Variants in CCDC187 observed in about 807,000 individuals in gnomAD.
The protein encoded by CCDC187 is coiled-coil domain containing 187, also known as coiled-coil domain-containing protein 187.
CCDC187 carries 32 observed loss-of-function variants against 38.0 expected under a neutral mutation model. The observed-to-expected ratio is 0.84, with a 90% CI of 0.64 to 1.13. The LOEUF (loss-of-function observed/expected upper bound fraction) is 1.13, where lower values mean the gene tolerates loss of function less well. Ranked by LOEUF, CCDC187 falls within the 50% of genes most tolerant of loss-of-function variation. CCDC187 has a pLI of 0.00. For missense variants in CCDC187, 707 were observed against 786.8 expected, an observed-to-expected ratio of 0.90 and a Z score of 1.21; for synonymous variants, 333 against 347.9, an observed-to-expected ratio of 0.96 and a Z score of 0.48.
intron 15 of CCDC187, 56 bp downstream of exon 15, chr9:136,267,993 A>G: frequency 1.0e-6 from 1 of 984,676 alleles, no homozygotes; most frequent in Non-Finnish European, 1.2e-6. Flanking sequence ...GCCCACTACC[A>G]GGGCCGTGCT....
At chr9:136,301,931 G>C (rs1831694611) in intron 2 of CCDC187, among the ~76,000 whole-genome samples, 2 of 152,144 alleles carry the variant, frequency 1.3e-5, no homozygotes, top group East Asian at 3.9e-4. Flanking sequence ...AATAGAGGAG[G>C]CTGGGCACCG....
At chr9:136,293,315 TCA>T (rs1416715582) in intron 4 of CCDC187, among the ~76,000 whole-genome samples, 4 of 122,914 alleles carry the variant, frequency 3.3e-5, no homozygotes, top group African/African-American at 6.7e-5. Context: ...GTTCACACAC[TCA>T]CACTCACATG....
At chr9:136,292,445 C>CTCA in intron 4 of CCDC187, 150 bp from the exon 5 acceptor site, 1 of 396,216 alleles carries the variant, frequency 2.5e-6, no homozygotes, top group Non-Finnish European at 4.4e-6. Flanking sequence ...GTCCAGGCCC[C>CTCA]TGTTGGGCAG....
Position 136,303,279 on chromosome 9 carries a change from G to T in CCDC187, c.158C>A (p.Ala53Glu), listed in dbSNP as rs1323490593. Residue 53 changes from alanine (A) to glutamate (E), a missense_variant, in exon 2 of 26, where the codon GCA becomes GAA. Coordinates refer to ENST00000638797, the MANE Select transcript of CCDC187 (RefSeq NM_001378188.1). ...CAGGGCTGCCACGTCATCCTCAGCT[G>T]CAGGTGCGCAGAGCCTGGGAGGGAA... is the stretch of plus-strand genomic sequence containing the variant. ...AVAKPRLCAP[A>E]AEDDVAALRW... 5.0e-6 allele frequency: 2 copies of T among 397,752 alleles called. No individual in the cohort carries two copies. Among genetic ancestry groups the T allele is most frequent in the Non-Finnish European group, 8.8e-6 (2 of 226,014 alleles). The allele number at this position is 397,752 out of a possible 1,614,324, so 24.6% of individuals were successfully genotyped here.
At chr9:136,293,163 ACACT>A (rs1255420541) in intron 4 of CCDC187, among the ~76,000 whole-genome samples, 3 of 55,644 alleles carry the variant, frequency 5.4e-5, no homozygotes, top group African/African-American at 9.3e-5. Context: ...ACATGCTCAC[ACACT>A]CACATGCTCA....
At chr9:136,292,606 C>A (rs1438464258) in intron 4 of CCDC187, among the ~76,000 whole-genome samples, 1 of 152,174 alleles carries the variant, frequency 6.6e-6, no homozygotes, top group Non-Finnish European at 1.5e-5. Flanking sequence ...ACAGCTCTGC[C>A]GGTGAAGCTC....
At chr9:136,277,911 C>T (rs923282135) in intron 10 of CCDC187, among the ~76,000 whole-genome samples, 55 of 152,308 alleles carry the variant, frequency 3.6e-4, no homozygotes, top group African/African-American at 1.1e-3. Flanking sequence ...CTCGCCTTCC[C>T]GGAACGGAGC....
chr9:136,270,357 C>T (rs1303686796), intron 14 of CCDC187, among the ~76,000 whole-genome samples: 1 of 152,050 alleles, frequency 6.6e-6, no homozygotes, highest in South Asian at 2.1e-4. Flanking sequence ...ACTGAGTCGT[C>T]CAAGTGATTA....
intron 9 of CCDC187, among the ~76,000 whole-genome samples, chr9:136,282,871 G>A (rs1278925814): frequency 2.6e-5 from 4 of 152,236 alleles, no homozygotes; most frequent in African/African-American, 7.2e-5. Flanking sequence ...TCTGGAACCC[G>A]GGCTGGGTGG....
intron 14 of CCDC187, among the ~76,000 whole-genome samples, chr9:136,274,457 C>G (rs1329967704): frequency 6.6e-6 from 1 of 152,250 alleles, no homozygotes; most frequent in Non-Finnish European, 1.5e-5. Context: ...CTAGGGCTGC[C>G]CGAGGGTCAG....
intron 16 of CCDC187, 135 bp downstream of exon 16, chr9:136,267,249 T>C (rs1554761752): frequency 2.2e-6 from 1 of 464,998 alleles, no homozygotes; most frequent in African/African-American, 2.1e-5. Context: ...CCAGTACCTC[T>C]TGTTTCTCAA....
rs80281411 is a variant in CCDC187 at position 136,255,514 on chromosome 9, G to A, written c.4693+143C>T. ...TGGCAACCCTGTGATGGGGAGGTGC[G>A]TGGGCAGAGCCCCCCAGCTAGGCAG... On this transcript the variant is annotated intron_variant, in intron 25 of 25. Transcript: ENST00000638797. 7.7e-4 allele frequency: 167 copies of A among 216,692 alleles called. 3 individuals carry two copies. In the East Asian group the frequency reaches 0.024, roughly 32 times the overall value. 13.4% of individuals were successfully genotyped at this position (216,692 alleles called of 1,614,324 possible). A position where few individuals can be genotyped will look rare whatever the true frequency, so the allele number is the denominator to read the frequency against.
intron 10 of CCDC187, among the ~76,000 whole-genome samples, chr9:136,278,476 T>C (rs1357657242): frequency 6.6e-6 from 1 of 152,194 alleles, no homozygotes; most frequent in Non-Finnish European, 1.5e-5. Context: ...GTCACCCCAG[T>C]GAGTGCCCTG....
intron 3 of CCDC187, 110 bp downstream of exon 3, chr9:136,300,110 C>T (rs1381859254): frequency 1.0e-5 from 4 of 396,416 alleles, no homozygotes; most frequent in African/African-American, 6.2e-5. Flanking sequence ...TTGGGGTCCT[C>T]CCTGACCCTC....
chr9:136,273,985 C>T (rs1322878670), intron 14 of CCDC187, among the ~76,000 whole-genome samples: 1 of 152,236 alleles, frequency 6.6e-6, no homozygotes, highest in Non-Finnish European at 1.5e-5. Context: ...TGACACACAT[C>T]ACACGAGAGG....
intron 9 of CCDC187, among the ~76,000 whole-genome samples, chr9:136,284,383 T>C (rs1831121543): frequency 6.6e-6 from 1 of 152,228 alleles, no homozygotes; most frequent in Non-Finnish European, 1.5e-5. Context: ...GCATTGAGGG[T>C]GCACAGAGCT....
At position 136,258,290 on chromosome 9, in the gene CCDC187, C is replaced by T. The variant is rs1830638675; in HGVS notation, c.4366+642G>A. Among the ~76,000 whole-genome samples, 1 of 152,166 alleles carries T rather than the reference C, an allele frequency of 6.6e-6. No individual in the cohort carries two copies. Among genetic ancestry groups the T allele is most frequent in the African/African-American group, 2.4e-5 (1 of 41,432 alleles). On this transcript the variant is annotated intron_variant, in intron 22 of 25. Coordinates refer to ENST00000638797, the MANE Select transcript of CCDC187 (RefSeq NM_001378188.1). The surrounding 1 kb of genome is among the most constrained non-coding windows in gnomAD (Gnocchi z 4.3). ...GTCCTGAGGTTTGCTCTCCCTGGCC[C>T]CAACGGCAGGGACCCCCCAGTCTAT...
At chr9:136,262,701 A>G (rs1164900287) in intron 18 of CCDC187, among the ~76,000 whole-genome samples, 3 of 152,164 alleles carry the variant, frequency 2.0e-5, no homozygotes, top group African/African-American at 4.8e-5. Flanking sequence ...GGCTGGCCAG[A>G]GACCCCCATG....
At chr9:136,267,990 A>G in intron 15 of CCDC187, 59 bp downstream of exon 15, 3 of 984,542 alleles carry the variant, frequency 3.0e-6, no homozygotes, top group Non-Finnish European at 3.6e-6. Context: ...GGGGCCCACT[A>G]CCAGGGCCGT....
Sources: allele counts gnomAD v4.1 joint callset (sites outside exome capture counted in the v4.1 genomes callset), GRCh38; gene constraint gnomAD v4.1.1; non-coding constraint Gnocchi (gnomAD v3.1); transcripts MANE v1.5; gene names NCBI Gene and HGNC (gene_info 2026-07-23, HGNC 2026-07-21).